LAMA2: variants seen among roughly 807,000 people sequenced by gnomAD.
LAMA2 encodes laminin subunit alpha 2.
A neutral mutation model predicts 364.8 loss-of-function variants in LAMA2; 269 were observed. That is an observed-to-expected ratio of 0.74 (90% CI 0.67 to 0.82). The LOEUF (loss-of-function observed/expected upper bound fraction) is 0.82, where lower values mean the gene tolerates loss of function less well. LAMA2 is among the 40% of genes least tolerant of loss of function. The pLI, the probability that LAMA2 is intolerant of heterozygous loss-of-function variation, is 0.00. For missense variants in LAMA2, 3,807 were observed against 3,873.2 expected (o/e 0.98, Z 0.45); for synonymous variants, 1,379 against 1,370.6 (o/e 1.01, Z -0.14).
At chr6:129,270,903 C>A (rs1787888330) in intron 17 of LAMA2, 152 bp downstream of exon 17, 1 of 848,148 alleles carries the variant, frequency 1.2e-6, no homozygotes, top group Non-Finnish European at 1.8e-6. Context: ...TTTTTTCAAA[C>A]CTAAGATATT....
At chr6:129,359,551 T>C (rs751944322) in intron 32 of LAMA2, among the ~76,000 whole-genome samples, 11 of 152,044 alleles carry the variant, frequency 7.2e-5, no homozygotes, top group Non-Finnish European at 1.5e-4. Flanking sequence ...AAGTTTCTTT[T>C]TGAAGGGGAA....
At chr6:129,108,709 G>T (rs1282119723) in intron 4 of LAMA2, among the ~76,000 whole-genome samples, 1 of 152,038 alleles carries the variant, frequency 6.6e-6, no homozygotes, top group Non-Finnish European at 1.5e-5. Context: ...TTCTTCCCAA[G>T]ACAATAATAG....
Position 128,883,392 on chromosome 6 carries a change from T to A in LAMA2, c.112+35T>A. On this transcript the variant is annotated intron_variant, in intron 1 of 64. Transcript: ENST00000421865. ...AGGCATGGGCTTGGGTTGCATCCTT[T>A]GCCGGGACCGAGATTCCTCACTTCT... is the stretch of plus-strand genomic sequence containing the variant. 2.6e-6 allele frequency: 4 copies of A among 1,557,960 alleles called. No homozygotes were observed. In the South Asian group the frequency reaches 4.7e-5, roughly 18 times the overall value.
intron 34 of LAMA2, among the ~76,000 whole-genome samples, chr6:129,373,447 C>CATATACATGTT (rs1778198816): frequency 1.3e-5 from 2 of 152,224 alleles, no homozygotes; most frequent in South Asian, 4.2e-4. Flanking sequence ...GTACATGTGT[C>CATATACATGTT]ATATACATGT....
At chr6:129,067,821 A>G (rs1239962864) in intron 3 of LAMA2, among the ~76,000 whole-genome samples, 1 of 152,140 alleles carries the variant, frequency 6.6e-6, no homozygotes, top group Admixed American at 6.5e-5. Flanking sequence ...TTCAATTTCA[A>G]TGTAGCTTGT....
At chr6:129,195,002 A>C (rs1405538245) in intron 12 of LAMA2, among the ~76,000 whole-genome samples, 1 of 152,210 alleles carries the variant, frequency 6.6e-6, no homozygotes, top group Non-Finnish European at 1.5e-5. Flanking sequence ...AATCTGACAG[A>C]AATAGCGTAT....
At chr6:129,136,347 C>T (rs1583110024) in intron 4 of LAMA2, among the ~76,000 whole-genome samples, 1 of 152,118 alleles carries the variant, frequency 6.6e-6, no homozygotes, top group Non-Finnish European at 1.5e-5. Context: ...AAAATTGGAA[C>T]TCCTAAAGCA....
At chr6:129,436,561 G>C (rs892652779) in intron 41 of LAMA2, among the ~76,000 whole-genome samples, 1 of 151,876 alleles carries the variant, frequency 6.6e-6, no homozygotes, top group Non-Finnish European at 1.5e-5. Context: ...TCTTTTACAG[G>C]TATATTGAAG....
chr6:129,186,948 A>G (rs1005502636), intron 10 of LAMA2, among the ~76,000 whole-genome samples: 2 of 151,820 alleles, frequency 1.3e-5, no homozygotes, highest in Non-Finnish European at 3.0e-5. Flanking sequence ...ATAGTAGTTC[A>G]GCTATGAGTT....
In LAMA2 at chr6:129,454,174, A is replaced by C. The variant is rs753924399; in HGVS notation, c.6593A>C (p.Glu2198Ala). Residue 2198 changes from glutamate (E) to alanine (A), a missense_variant, in exon 47 of 65, where the codon GAA (glutamate) becomes GCA (alanine). Coordinates refer to ENST00000421865, the MANE Select transcript of LAMA2 (RefSeq NM_000426.4). ...AACTAGATTGACTTTCTGGCTATAG[A>C]AATGCGTAAAGGCAAAGTCAGCTTC... is the stretch of plus-strand genomic sequence containing the variant. ...SAKFIDFLAI[E>A]MRKGKVSFLW... The C allele has an allele frequency of 1.2e-6, 2 of 1,612,798 alleles. No homozygotes were observed. Among genetic ancestry groups the C allele is most frequent in the Non-Finnish European group, 1.7e-6 (2 of 1,178,988 alleles).
intron 1 of LAMA2, among the ~76,000 whole-genome samples, chr6:129,022,075 C>A (rs1010549093): frequency 6.6e-6 from 1 of 152,168 alleles, no homozygotes; most frequent in Non-Finnish European, 1.5e-5. Flanking sequence ...GTAAAAATCT[C>A]TCCTGCAAGA....
At chr6:129,483,711 G>C (rs968764104) in intron 55 of LAMA2, among the ~76,000 whole-genome samples, 1 of 152,120 alleles carries the variant, frequency 6.6e-6, no homozygotes, top group Non-Finnish European at 1.5e-5. Flanking sequence ...CCAGATATCA[G>C]CACATTAGAA....
chr6:129,436,424 C>A (rs1174386344), intron 41 of LAMA2, among the ~76,000 whole-genome samples: 1 of 152,138 alleles, frequency 6.6e-6, no homozygotes, highest in Non-Finnish European at 1.5e-5. Flanking sequence ...TTATAGATTG[C>A]ACCTGTACCA....
At position 129,309,261 on chromosome 6, in the gene LAMA2, A is replaced by G. The variant is rs937842001; in HGVS notation, c.3175-3600A>G. Among the ~76,000 whole-genome samples the G allele has an allele frequency of 2.8e-4, 43 of 152,182 alleles. 1 individual carries two copies. Among genetic ancestry groups the G allele is most frequent in the Non-Finnish European group, 2.9e-5 (2 of 68,022 alleles). On this transcript the variant is annotated intron_variant, in intron 22 of 64. Transcript: ENST00000421865. ...TTTCACTAGCAGGGGAATAGTGAGT[A>G]AATTCTCTATTGCTAAACAAATATT...
chr6:129,171,097 C>T (rs574837882), intron 9 of LAMA2, among the ~76,000 whole-genome samples: 7 of 152,262 alleles, frequency 4.6e-5, no homozygotes, highest in East Asian at 1.9e-4. Flanking sequence ...TTCCTGAATA[C>T]GGAACACTGA....
intron 9 of LAMA2, among the ~76,000 whole-genome samples, chr6:129,170,375 T>C (rs1197070956): frequency 1.4e-5 from 2 of 146,890 alleles, no homozygotes; most frequent in Non-Finnish European, 1.5e-5. Context: ...TTTGTTCTCA[T>C]GGGTTTCAAA....
chr6:129,324,121 A>T (rs1775130633), intron 28 of LAMA2, among the ~76,000 whole-genome samples: 2 of 152,240 alleles, frequency 1.3e-5, no homozygotes, highest in South Asian at 4.1e-4. Context: ...GTGTTGAGGA[A>T]CATGGCATGG....
intron 1 of LAMA2, among the ~76,000 whole-genome samples, chr6:129,041,571 A>G (rs1028655228): frequency 1.3e-5 from 2 of 152,238 alleles, no homozygotes; most frequent in Non-Finnish European, 2.9e-5. Context: ...AATACATAAA[A>G]TCCAAAGAAT....
intron 1 of LAMA2, among the ~76,000 whole-genome samples, chr6:129,008,910 T>G (rs371750785): frequency 6.6e-6 from 1 of 152,212 alleles, no homozygotes; most frequent in Non-Finnish European, 1.5e-5. Context: ...CAGGATGTAG[T>G]GTACTTACTG....
Sources: gnomAD v4.1 joint callset for allele counts (sites outside exome capture counted in the v4.1 genomes callset) on GRCh38, gnomAD v4.1.1 for gene constraint, MANE v1.5 for transcripts, NCBI Gene and HGNC (gene_info 2026-07-23, HGNC 2026-07-21) for gene names.